ADGRB1: variants seen among roughly 807,000 people sequenced by gnomAD.
The protein encoded by ADGRB1 is adhesion G protein-coupled receptor B1.
In ADGRB1, 36 loss-of-function variants were observed where a neutral mutation model predicts 175.7. The ratio of observed to expected loss-of-function variants is 0.20; its 90% CI spans 0.16 to 0.27. The LOEUF (loss-of-function observed/expected upper bound fraction) is 0.27, where lower values mean the gene tolerates loss of function less well. Ranked by LOEUF, ADGRB1 falls within the 10% of genes least tolerant of loss-of-function variation. The pLI is 1.00. For synonymous variants in ADGRB1, 1,054 were observed against 979.4 expected (o/e 1.08, Z -1.42); for missense variants, 1,731 against 2,255.3 (o/e 0.77, Z 4.71).
rs1248412503 is a variant in ADGRB1, at chr8:142,492,010, C to A, written c.2675+1195C>A. Among the ~76,000 whole-genome samples the A allele has an allele frequency of 2.6e-5, 4 of 151,956 alleles. No individual in the cohort carries two copies. The highest frequency in any genetic ancestry group is 5.9e-5 in the Non-Finnish European group (4 of 67,982). On this transcript the variant is annotated intron_variant, in intron 17 of 30. Transcript: ENST00000517894. The surrounding 1 kb of genome is among the most constrained non-coding windows in gnomAD (Gnocchi z 4.4). ...GAGGCAGGCAGGGGCTCAGGGGAGG[C>A]CGCGGCAGGGTGAGGACAGTTAGTG...
chr8:142,479,625 C>T, intron 8 of ADGRB1, 68 bp from the exon 9 acceptor site: 4 of 1,517,968 alleles, frequency 2.6e-6, no homozygotes, highest in Non-Finnish European at 2.7e-6. Flanking sequence ...AGGCGCCTTG[C>T]ACCTTCCAGA....
At chr8:142,486,494 G>A (rs921980224) in intron 13 of ADGRB1, among the ~76,000 whole-genome samples, 1 of 152,126 alleles carries the variant, frequency 6.6e-6, no homozygotes, top group African/African-American at 2.4e-5. Flanking sequence ...TGGCACTCCC[G>A]AGGTGTCCCA....
intron 16 of ADGRB1, among the ~76,000 whole-genome samples, chr8:142,489,987 A>T (rs956343749): frequency 6.6e-6 from 1 of 152,176 alleles, no homozygotes; most frequent in Non-Finnish European, 1.5e-5. Context: ...CTTGGGCCTC[A>T]GAGGAGTAGG....
At position 142,526,526 on chromosome 8, in the gene ADGRB1, ACT is replaced by A. The variant is rs1387527869; in HGVS notation, c.3313-11_3313-10del. ...CGGCCCCCACCCCCACACCCCCACC[ACT>A]CTCTGCCCGGCAGGTGAACATGGTC... On this transcript the variant is annotated splice_polypyrimidine_tract_variant and intron_variant, in intron 23 of 30. Coordinates refer to ENST00000517894, the MANE Select transcript of ADGRB1 (RefSeq NM_001702.3). The A allele has an allele frequency of 6.6e-6, 4 of 610,210 alleles. No homozygotes were observed. Among genetic ancestry groups the A allele is most frequent in the South Asian group, 4.0e-5 (2 of 50,136 alleles). 37.8% of individuals were successfully genotyped at this position (610,210 alleles called of 1,614,324 possible).
At position 142,541,991 on chromosome 8, in the gene ADGRB1, C is replaced by T. The variant is rs774037413; in HGVS notation, c.3757C>T (p.Leu1253=). ...CCGCACTGCCACCATCACGGGCACACTGAAGCGGCCGTCTCTGCCCGAGGA... is the reference window on the plus strand; with the variant it reads ...CCGCACTGCCACCATCACGGGCACATTGAAGCGGCCGTCTCTGCCCGAGGA... ...ACRTATITGT[L]KRPSLPEEEK... is the part of the protein sequence containing the mutation. Residue 1253 remains leucine (L), a synonymous_variant, in exon 28 of 31, where the codon CTG becomes TTG. Transcript: ENST00000517894. 5.5e-5 allele frequency: 87 copies of T among 1,586,538 alleles called. No homozygotes were observed. The highest frequency in any genetic ancestry group is 7.4e-5 in the Non-Finnish European group (87 of 1,168,630).
intron 27 of ADGRB1, 47 bp downstream of exon 27, chr8:142,539,460 A>T: frequency 1.3e-6 from 2 of 1,587,862 alleles, no homozygotes; most frequent in Non-Finnish European, 1.7e-6. Flanking sequence ...GGCCCCCTGC[A>T]TGGCCCCACT....
In ADGRB1 at chr8:142,477,037, C is replaced by T. The variant is rs904688483; in HGVS notation, c.1058-77C>T. On this transcript the variant is annotated intron_variant, in intron 4 of 30. Coordinates refer to ENST00000517894, the MANE Select transcript of ADGRB1 (RefSeq NM_001702.3). Reference sequence around the variant, plus strand: ...GCCTGCTCCCCAGCAGGGCAGCCCTCCTGCTGCGGGGTCTGGCCCCGGTCT... The same window carrying T: ...GCCTGCTCCCCAGCAGGGCAGCCCTTCTGCTGCGGGGTCTGGCCCCGGTCT... The T allele has an allele frequency of 6.3e-6, 9 of 1,427,284 alleles. No homozygotes were observed. The African/African-American group carries it at 1.2e-4, about 18-fold the overall frequency. The allele number at this position is 1,427,284 out of a possible 1,614,324, so 88.4% of individuals were successfully genotyped here. A position where few individuals can be genotyped will look rare whatever the true frequency, so the allele number is the denominator to read the frequency against.
At chr8:142,530,787 G>C (rs1408657277) in intron 24 of ADGRB1, among the ~76,000 whole-genome samples, 1 of 152,166 alleles carries the variant, frequency 6.6e-6, no homozygotes, top group Non-Finnish European at 1.5e-5. Context: ...TGTTCCCTTT[G>C]CAGTCACTCA....
intron 1 of ADGRB1, among the ~76,000 whole-genome samples, chr8:142,453,354 G>C (rs1839475296): frequency 6.6e-6 from 1 of 152,206 alleles, no homozygotes; most frequent in Non-Finnish European, 1.5e-5. Flanking sequence ...TCTGGCTCTG[G>C]GCTGCCCCCG....
intron 2 of ADGRB1, among the ~76,000 whole-genome samples, chr8:142,470,948 G>A (rs989365164): frequency 7.9e-5 from 12 of 152,118 alleles, no homozygotes; most frequent in African/African-American, 2.2e-4. Context: ...GCCTGTCTGG[G>A]GTGTGCAGGG....
intron 18 of ADGRB1, among the ~76,000 whole-genome samples, chr8:142,516,238 C>CGT (rs1185572540): frequency 1.2e-5 from 1 of 86,386 alleles, no homozygotes. Context: ...TGTGTGTGTG[C>CGT]GTGTGCGGGC....
chr8:142,452,644 G>T (rs1425537413), intron 1 of ADGRB1, among the ~76,000 whole-genome samples: 1 of 152,192 alleles, frequency 6.6e-6, no homozygotes, highest in Non-Finnish European at 1.5e-5. Flanking sequence ...GCGGCGTCAG[G>T]GTGGCCCGAG....
chr8:142,522,183 G>A, intron 21 of ADGRB1, 68 bp downstream of exon 21: 3 of 1,561,104 alleles, frequency 1.9e-6, no homozygotes, highest in Non-Finnish European at 2.6e-6. Context: ...TTCTGTCCTG[G>A]CAGCCCCTCC....
rs186944042 is a variant in ADGRB1, at chr8:142,529,888, G to A, written c.3398+3261G>A. ...CAACCTGGTGTGTATACATGTGAACGTGCATCTGTGTGGATGTGTGAGCAT... is the reference window on the plus strand; with the variant it reads ...CAACCTGGTGTGTATACATGTGAACATGCATCTGTGTGGATGTGTGAGCAT... On this transcript the variant is annotated intron_variant, in intron 24 of 30. Coordinates refer to ENST00000517894, the MANE Select transcript of ADGRB1 (RefSeq NM_001702.3). Among the ~76,000 whole-genome samples the A allele has an allele frequency of 7.3e-3, 1,090 of 149,506 alleles. 48 individuals are homozygous for A. The East Asian group carries it at 0.13, about 18-fold the overall frequency.
chr8:142,519,275 C>T (rs1418424293), intron 19 of ADGRB1, among the ~76,000 whole-genome samples: 1 of 152,220 alleles, frequency 6.6e-6, no homozygotes, highest in African/African-American at 2.4e-5. Flanking sequence ...GTGAGCTCTC[C>T]TGGCCATCCC....
In ADGRB1 at chr8:142,543,405, G is replaced by C. The variant is rs756525666; in HGVS notation, c.4416G>C (p.Arg1472=). The C allele has an allele frequency of 6.2e-7, 1 of 1,613,784 alleles. No homozygotes were observed. Among genetic ancestry groups the C allele is most frequent in the South Asian group, 1.1e-5 (1 of 91,068 alleles). Residue 1472 remains arginine (R), a splice_region_variant and synonymous_variant, in exon 29 of 31, where the codon CGG becomes CGC. Transcript: ENST00000517894. The surrounding 1 kb of genome is among the most constrained non-coding windows in gnomAD (Gnocchi z 4.4). ...VATLSVSSLE[R]RKSRYAELDF... is the part of the protein sequence containing the mutation. ...TCGCAAACCCCTTCTCCCTGCAGCG[G>C]CGGAAGTCGCGGTATGCAGAACTGG...
rs1168027865 is a variant in ADGRB1, at chr8:142,511,321, G to A, written c.2817+248G>A. ...GAGGAGTCGGGACCCCCGGAAAGTG[G>A]CTGATGGGTGGGTCCCATCTCCCCT... On this transcript the variant is annotated intron_variant, in intron 18 of 30. Coordinates refer to ENST00000517894, the MANE Select transcript of ADGRB1 (RefSeq NM_001702.3). The surrounding 1 kb of genome is among the most constrained non-coding windows in gnomAD (Gnocchi z 4.5). 2.0e-5 allele frequency among the ~76,000 whole-genome samples: 3 copies of A among 152,072 alleles called. No individual in the cohort carries two copies. Among genetic ancestry groups the A allele is most frequent in the South Asian group, 2.1e-4 (1 of 4,830 alleles).
intron 17 of ADGRB1, among the ~76,000 whole-genome samples, chr8:142,495,361 A>G (rs1842165529): frequency 6.6e-6 from 1 of 152,044 alleles, no homozygotes; most frequent in East Asian, 1.9e-4. Flanking sequence ...GGGTGGATGG[A>G]TGGGTGACTG....
intron 1 of ADGRB1, among the ~76,000 whole-genome samples, chr8:142,450,354 G>A (rs1839266435): frequency 6.6e-6 from 1 of 152,158 alleles, no homozygotes; most frequent in African/African-American, 2.4e-5. Flanking sequence ...GCAGGCTGAG[G>A]AGGGGGCGAC....
Sources: allele counts gnomAD v4.1 joint callset (sites outside exome capture counted in the v4.1 genomes callset), GRCh38; gene constraint gnomAD v4.1.1; non-coding constraint Gnocchi (gnomAD v3.1); transcripts MANE v1.5; gene names NCBI Gene and HGNC (gene_info 2026-07-23, HGNC 2026-07-21).